Variants in DGKZ observed in about 807,000 individuals in gnomAD.
The protein encoded by DGKZ is diacylglycerol kinase zeta, also known as DAG kinase zeta.
DGKZ carries 45 observed loss-of-function variants against 142.5 expected under a neutral mutation model. The ratio of observed to expected loss-of-function variants is 0.32; its 90% CI spans 0.25 to 0.40. The LOEUF (loss-of-function observed/expected upper bound fraction) is 0.40. Among genes scored for constraint, DGKZ ranks in the 10% least tolerant of loss-of-function variants. DGKZ has a pLI of 1.00. For missense variants in DGKZ, 755 were observed against 1,306.5 expected (o/e 0.58, Z 6.51); for synonymous variants, 442 against 527.0 (o/e 0.84, Z 2.21).
chr11:46,357,116 T>A (rs1942117732), intron 1 of DGKZ, among the ~76,000 whole-genome samples: 1 of 152,146 alleles, frequency 6.6e-6, no homozygotes, highest in Non-Finnish European at 1.5e-5. Flanking sequence ...GGTCATTTGT[T>A]GCGCAAACAT....
intron 1 of DGKZ, among the ~76,000 whole-genome samples, chr11:46,353,192 A>G (rs1941620303): frequency 6.6e-6 from 1 of 152,202 alleles, no homozygotes; most frequent in African/African-American, 2.4e-5. Flanking sequence ...TTTTGCAGAT[A>G]AGAAAACCAA....
Position 46,369,548 on chromosome 11 carries a change from G to A in DGKZ, c.499G>A (p.Glu167Lys), listed in dbSNP as rs200877028. Residue 167 changes from glutamate to lysine, a missense_variant and splice_region_variant, in exon 5 of 31, where the codon GAG (glutamate) becomes AAG (lysine). Around this residue, in one of 8 missense-constraint regions of DGKZ, gnomAD observed 142 missense variants for 244.4 expected, o/e 0.58. Coordinates refer to ENST00000527911, the Ensembl canonical transcript of DGKZ. ...TGAATCAGGCTCCAGGAATGTCCGC[G>A]AGGTAAGTGCCCAGGGTGGTCAGGG... 2.4e-5 allele frequency: 38 copies of A among 1,612,540 alleles called. No individual in the cohort carries two copies. The highest frequency in any genetic ancestry group is 3.1e-5 in the Non-Finnish European group (36 of 1,179,950).
At chr11:46,348,981 T>G (rs1941027758) in intron 1 of DGKZ, among the ~76,000 whole-genome samples, 1 of 152,194 alleles carries the variant, frequency 6.6e-6, no homozygotes, top group Non-Finnish European at 1.5e-5. Flanking sequence ...CCCCTTAGCT[T>G]TGCTCTGCCC....
intron 6 of DGKZ, 104 bp downstream of exon 6, chr11:46,370,113 A>T: frequency 7.0e-7 from 1 of 1,434,148 alleles, no homozygotes; most frequent in Non-Finnish European, 9.8e-7. Flanking sequence ...CCTGGTGTGC[A>T]GAGTCCGGGG....
chr11:46,364,065 C>A (rs1221916396), intron 1 of DGKZ, among the ~76,000 whole-genome samples: 1 of 152,232 alleles, frequency 6.6e-6, no homozygotes, highest in Non-Finnish European at 1.5e-5. Context: ...CAGGGCCTGT[C>A]ACGTAGCAGG....
upstream of DGKZ, among the ~76,000 whole-genome samples, chr11:46,344,311 C>G (rs915365397): frequency 6.6e-6 from 1 of 152,118 alleles, no homozygotes; most frequent in African/African-American, 2.4e-5. Context: ...GAGGACAGAG[C>G]CCTGCTTCCT....
In DGKZ at chr11:46,376,515, C is replaced by T. The variant is rs1468729116; in HGVS notation, c.2162-9C>T. 1 of 1,613,732 alleles carries T rather than the reference C, an allele frequency of 6.2e-7. No homozygotes were observed. The highest frequency in any genetic ancestry group is 1.7e-5 in the Admixed American group (1 of 60,026). On this transcript the variant is annotated splice_polypyrimidine_tract_variant and intron_variant, in intron 23 of 30. Transcript: ENST00000527911. ...ACTCCCTGATCCTCAGCTGCCCTCT[C>T]TCCCACAGCCACCACTGCCAGCCGC...
chr11:46,379,458 T>C lies in DGKZ; in HGVS notation c.2578T>C (p.Cys860Arg). The change falls in exon 30 of 31, where the codon TGC (cysteine) becomes CGC (arginine). Residue 860 changes from cysteine to arginine, a missense_variant. Transcript: ENST00000527911. The stretch of plus-strand genomic sequence containing the variant: ...CGGGATGGGGTACACAGCCAGCCCC[T>C]GCTCCCCCAGCGGGGAGACCTGTTT... 1.9e-6 allele frequency: 3 copies of C among 1,606,106 alleles called. No individual in the cohort carries two copies. Among genetic ancestry groups the C allele is most frequent in the Non-Finnish European group, 2.5e-6 (3 of 1,176,768 alleles).
exon 31 of DGKZ, chr11:46,379,969 G>A (rs934890061): frequency 1.3e-6 from 2 of 1,585,908 alleles, no homozygotes. Flanking sequence ...CGGGCAGCAG[G>A]AGGGACAATG....
rs1450733621 is a variant in DGKZ, at chr11:46,375,813, C to A, written c.1911-38C>A. On this transcript the variant is annotated intron_variant, in intron 20 of 30. Coordinates refer to ENST00000527911, the Ensembl canonical transcript of DGKZ. Reference sequence around the variant, plus strand: ...GGCCGAGGGTGGCACCAAGGCAGGGCCCTTGCTGAGCCCCCGCTTGCCGGC... The same window carrying A: ...GGCCGAGGGTGGCACCAAGGCAGGGACCTTGCTGAGCCCCCGCTTGCCGGC... 6.5e-6 allele frequency: 10 copies of A among 1,545,904 alleles called. No individual in the cohort carries two copies. The Admixed American group carries it at 1.4e-4, about 21-fold the overall frequency.
chr11:46,377,814 T>C (rs573119615), intron 25 of DGKZ: 46 of 312,268 alleles, frequency 1.5e-4, no homozygotes, highest in African/African-American at 1.0e-3. Context: ...CCTCCAACTC[T>C]TCCCCCATCT....
At position 46,374,680 on chromosome 11, in the gene DGKZ, G is replaced by A. The variant is rs903391785; in HGVS notation, c.1524+14G>A. The A allele has an allele frequency of 1.9e-6, 3 of 1,603,092 alleles. No individual in the cohort carries two copies. In the African/African-American group the frequency reaches 4.0e-5, roughly 21 times the overall value. Reference sequence around the variant, plus strand: ...ATCCGAGTGGTGGTGAGCGGGGCCAGGCTGCCGTGGGTGGGTGGGCCGGAA... The same window carrying A: ...ATCCGAGTGGTGGTGAGCGGGGCCAAGCTGCCGTGGGTGGGTGGGCCGGAA... On this transcript the variant is annotated intron_variant, in intron 17 of 30. Coordinates refer to ENST00000527911, the Ensembl canonical transcript of DGKZ.
upstream of DGKZ, among the ~76,000 whole-genome samples, chr11:46,344,278 C>T (rs1011652094): frequency 6.6e-6 from 1 of 152,002 alleles, no homozygotes; most frequent in Non-Finnish European, 1.5e-5. Flanking sequence ...TGAATGTCTT[C>T]CCCACTAGAA....
intron 1 of DGKZ, among the ~76,000 whole-genome samples, chr11:46,349,105 C>T (rs1941044224): frequency 6.6e-6 from 1 of 152,220 alleles, no homozygotes; most frequent in Non-Finnish European, 1.5e-5. Context: ...CGGGCTAGGG[C>T]CCACTCTTTG....
chr11:46,374,762 C>T lies in DGKZ; in HGVS notation c.1525-4C>T. 6.2e-7 allele frequency: 1 copy of T among 1,613,180 alleles called. No individual in the cohort carries two copies. Reference sequence around the variant, plus strand: ...ACCTCAACACCCTCCCCGCCCGCCTCCAGTGTGATGGAATGGACTTGACTC... The same window carrying T: ...ACCTCAACACCCTCCCCGCCCGCCTTCAGTGTGATGGAATGGACTTGACTC... On this transcript the variant is annotated splice_polypyrimidine_tract_variant and splice_region_variant and intron_variant, in intron 17 of 30. Transcript: ENST00000527911.
intron 26 of DGKZ, 25 bp downstream of exon 26, chr11:46,378,254 C>T (rs767372816): frequency 1.9e-6 from 3 of 1,596,586 alleles, no homozygotes; most frequent in South Asian, 2.2e-5. Flanking sequence ...TCTGGGGCCC[C>T]TCCTTTCTGC....
intron 1 of DGKZ, among the ~76,000 whole-genome samples, chr11:46,355,501 C>T (rs991173985): frequency 2.0e-5 from 3 of 152,180 alleles, no homozygotes; most frequent in African/African-American, 2.4e-5. Flanking sequence ...TTGAGAGAGA[C>T]GAGGGTGGGC....
intron 14 of DGKZ, 56 bp downstream of exon 14, chr11:46,373,157 C>T: frequency 6.7e-7 from 1 of 1,489,898 alleles, no homozygotes; most frequent in Non-Finnish European, 8.9e-7. Flanking sequence ...CTGGATCCCA[C>T]TTTTCCACTT....
intron 23 of DGKZ, 60 bp from the exon 24 acceptor site, chr11:46,376,464 G>A: frequency 3.7e-6 from 6 of 1,613,794 alleles, no homozygotes; most frequent in Non-Finnish European, 5.1e-6. Context: ...GGTAGGGGCA[G>A]CAGAGGACCT....
Sources: gnomAD v4.1 joint callset for allele counts (sites outside exome capture counted in the v4.1 genomes callset) on GRCh38, gnomAD v4.1.1 for gene constraint, gnomAD v4.1.1 regional missense constraint, MANE v1.5 for transcripts, NCBI Gene and HGNC (gene_info 2026-07-23, HGNC 2026-07-21) for gene names.